GPC5: variants seen among roughly 807,000 people sequenced by gnomAD.
GPC5 encodes glypican-5.
A neutral mutation model predicts 53.9 loss-of-function variants in GPC5; 47 were observed. That is an observed-to-expected ratio of 0.87 (90% CI 0.69 to 1.11). GPC5 has a LOEUF of 1.11. Ranked by LOEUF, GPC5 falls within the 50% of genes most tolerant of loss-of-function variation. The pLI, the probability that GPC5 is intolerant of heterozygous loss-of-function variation, is 0.00. For missense variants in GPC5, 748 were observed against 713.1 expected (o/e 1.05, Z -0.56); for synonymous variants, 286 against 263.3 (o/e 1.09, Z -0.84).
intron 6 of GPC5, among the ~76,000 whole-genome samples, chr13:92,139,680 A>AGTG (rs1555313592): frequency 3.5e-5 from 5 of 140,892 alleles, no homozygotes; most frequent in Admixed American, 1.5e-4. Context: ...AAAAAAAAAA[A>AGTG]AAAAAGTGTT....
intron 7 of GPC5, among the ~76,000 whole-genome samples, chr13:92,827,000 TGGA>T (rs1344903576): frequency 1.3e-5 from 2 of 152,134 alleles, no homozygotes; most frequent in African/African-American, 4.8e-5. Flanking sequence ...CTAGTTAACT[TGGA>T]GGTAAATCCT....
At chr13:92,264,368 C>T (rs76045490) in intron 7 of GPC5, among the ~76,000 whole-genome samples, 2,342 of 152,142 alleles carry the variant, frequency 0.015, 71 homozygotes, top group African/African-American at 0.053. Context: ...TGGAAATAGG[C>T]AAAAGAGAGG....
intron 6 of GPC5, among the ~76,000 whole-genome samples, chr13:92,107,931 C>T (rs763531754): frequency 6.6e-6 from 1 of 152,168 alleles, no homozygotes; most frequent in Non-Finnish European, 1.5e-5. Context: ...TAAATCCATC[C>T]AATACTAATT....
chr13:91,654,719 G>A (rs189203421), intron 2 of GPC5, among the ~76,000 whole-genome samples: 1 of 152,064 alleles, frequency 6.6e-6, no homozygotes, highest in Non-Finnish European at 1.5e-5. Flanking sequence ...AGTGCATTTA[G>A]CACAATGCCT....
rs2040042628 is a variant in GPC5, at chr13:91,953,124, TGTCAAG to T, written c.1401+45068_1401+45073del. 5.3e-5 allele frequency among the ~76,000 whole-genome samples: 8 copies of T among 152,276 alleles called. No individual in the cohort carries two copies. The South Asian group carries it at 1.7e-3, about 32-fold the overall frequency. On this transcript the variant is annotated intron_variant, in intron 6 of 7. Coordinates refer to ENST00000377067, the MANE Select transcript of GPC5 (RefSeq NM_004466.6). The stretch of plus-strand genomic sequence containing the variant: ...AGGAAAATTAAATGCTCGAAGTTGA[TGTCAAG>T]ATTTATGGCTTACATGGCATAGTTT...
intron 6 of GPC5, among the ~76,000 whole-genome samples, chr13:91,960,273 T>C (rs2139073847): frequency 6.6e-6 from 1 of 151,976 alleles, no homozygotes; most frequent in South Asian, 2.1e-4. Context: ...GTGGCATACC[T>C]ATGTATCAAT....
At chr13:91,595,006 A>C (rs1300636765) in intron 2 of GPC5, among the ~76,000 whole-genome samples, 1 of 108,092 alleles carries the variant, frequency 9.3e-6, no homozygotes, top group Non-Finnish European at 2.2e-5. Context: ...TTATTTATTT[A>C]TTTATTTATT....
chr13:91,989,604 C>T (rs776456214), intron 6 of GPC5, among the ~76,000 whole-genome samples: 9 of 151,972 alleles, frequency 5.9e-5, no homozygotes, highest in East Asian at 1.9e-4. Flanking sequence ...TACTGTTATA[C>T]GATAGGTACT....
chr13:91,557,262 A>G (rs573808003), intron 2 of GPC5, among the ~76,000 whole-genome samples: 63 of 152,158 alleles, frequency 4.1e-4, no homozygotes, highest in African/African-American at 1.5e-3. Flanking sequence ...TTGTGTACTG[A>G]TATTGCATTG....
intron 2 of GPC5, among the ~76,000 whole-genome samples, chr13:91,611,059 G>A (rs2033532523): frequency 6.6e-6 from 1 of 152,154 alleles, no homozygotes; most frequent in Non-Finnish European, 1.5e-5. Context: ...CCACTGGGTG[G>A]TTATGAAAAA....
chr13:91,450,908 C>T (rs1192222911), intron 2 of GPC5, among the ~76,000 whole-genome samples: 1 of 152,096 alleles, frequency 6.6e-6, no homozygotes, highest in Non-Finnish European at 1.5e-5. Flanking sequence ...TAAGAATACC[C>T]ACTTTTATTG....
chr13:92,502,600 T>C, intron 7 of GPC5, among the ~76,000 whole-genome samples: 1 of 151,966 alleles, frequency 6.6e-6, no homozygotes, highest in East Asian at 1.9e-4. Context: ...TGAAGTGGGC[T>C]TAAGGAACAA....
chr13:92,592,546 A>T (rs971413008), intron 7 of GPC5, among the ~76,000 whole-genome samples: 18 of 151,486 alleles, frequency 1.2e-4, no homozygotes, highest in African/African-American at 4.4e-4. Flanking sequence ...GCTTACATTC[A>T]AGAAAGAGAA....
At chr13:92,379,459 C>T (rs958746817) in intron 7 of GPC5, among the ~76,000 whole-genome samples, 11 of 152,194 alleles carry the variant, frequency 7.2e-5, no homozygotes, top group Admixed American at 6.5e-4. Context: ...ACGATTAGCA[C>T]TATTAATTCT....
chr13:91,585,907 T>C (rs1363835216), intron 2 of GPC5, among the ~76,000 whole-genome samples: 1 of 152,094 alleles, frequency 6.6e-6, no homozygotes, highest in Non-Finnish European at 1.5e-5. Context: ...CAAGAAACTA[T>C]ATTCTTCTTT....
rs1490824386 is a variant in GPC5, at chr13:92,016,723, T to G, written c.1401+108666T>G. 3.1e-5 allele frequency among the ~76,000 whole-genome samples: 4 copies of G among 130,054 alleles called. No homozygotes were observed. The Admixed American group carries it at 3.1e-4, about 10-fold the overall frequency. 85.3% of individuals were successfully genotyped at this position (130,054 alleles called of 152,430 possible). A position where few individuals can be genotyped will look rare whatever the true frequency, so the allele number is the denominator to read the frequency against. On this transcript the variant is annotated intron_variant, in intron 6 of 7. Coordinates refer to ENST00000377067, the MANE Select transcript of GPC5 (RefSeq NM_004466.6). ...AAAAATGTTTTCTCTTATTTTCTTT[T>G]CTTCTTTTTTTTTTTTTCTTTTGAG...
intron 7 of GPC5, among the ~76,000 whole-genome samples, chr13:92,537,264 T>C (rs922382936): frequency 1.3e-5 from 2 of 152,134 alleles, no homozygotes; most frequent in African/African-American, 4.8e-5. Flanking sequence ...AAAGAAAATT[T>C]ATCATGTCAG....
At chr13:92,042,272 A>G (rs1160420951) in intron 6 of GPC5, among the ~76,000 whole-genome samples, 8 of 152,174 alleles carry the variant, frequency 5.3e-5, no homozygotes, top group Non-Finnish European at 2.9e-5. Context: ...TAGTCAGAGA[A>G]CCATCAAGCT....
At chr13:92,863,454 T>C (rs1016321791) in intron 7 of GPC5, among the ~76,000 whole-genome samples, 1 of 152,170 alleles carries the variant, frequency 6.6e-6, no homozygotes, top group Admixed American at 6.6e-5. Context: ...TTAATACACT[T>C]TACCACTTCC....
Sources: gnomAD v4.1 joint callset for allele counts (sites outside exome capture counted in the v4.1 genomes callset) on GRCh38, gnomAD v4.1.1 for gene constraint, MANE v1.5 for transcripts, NCBI Gene and HGNC (gene_info 2026-07-23, HGNC 2026-07-21) for gene names.